The following RPS6KA3 variants were observed in gnomAD, a reference collection of about 807,000 sequenced individuals.
RPS6KA3 encodes ribosomal protein S6 kinase A3, also known as ribosomal protein S6 kinase alpha-3.
RPS6KA3 carries 4 observed loss-of-function variants against 67.2 expected under a neutral mutation model. That is an observed-to-expected ratio of 0.06 (90% CI 0.03 to 0.14). RPS6KA3 has a LOEUF of 0.14. Ranked by LOEUF, RPS6KA3 falls within the 10% of genes least tolerant of loss-of-function variation. RPS6KA3 has a pLI of 1.00. For missense variants in RPS6KA3, 204 were observed against 559.0 expected (o/e 0.36, Z 6.40); for synonymous variants, 182 against 183.7 (o/e 0.99, Z 0.07).
rs546964372 is a variant in RPS6KA3 at position 20,187,417 on chromosome X, C to T, written c.774+411G>A. On this transcript the variant is annotated intron_variant, in intron 9 of 21. Coordinates refer to ENST00000379565, the MANE Select transcript of RPS6KA3 (RefSeq NM_004586.3). ...TGGGGTTTTGCCATGTTGGCCATGC[C>T]GGTCTTGAACTCCTGACGTCAGGTG... 4.2e-4 allele frequency among the ~76,000 whole-genome samples: 45 copies of T among 107,251 alleles called. No individual in the cohort carries two copies. In the South Asian group the frequency reaches 0.016, roughly 38 times the overall value. The allele number at this position is 107,251 out of a possible 115,157, so 93.1% of individuals were successfully genotyped here.
intron 8 of RPS6KA3, 111 bp from the exon 9 acceptor site, chrX:20,188,081 G>A: frequency 1.3e-6 from 1 of 767,576 alleles, no homozygotes; most frequent in Non-Finnish European, 1.9e-6. Flanking sequence ...TTTTTTGTTT[G>A]TTTGTTTTTT....
chrX:20,155,340 C>A lies in RPS6KA3; in HGVS notation c.*58G>T, dbSNP rs767703625. The A allele has an allele frequency of 6.6e-5, 79 of 1,191,184 alleles. No individual in the cohort carries two copies. In the East Asian group the frequency reaches 2.3e-3, roughly 35 times the overall value. On this transcript the variant is annotated 3_prime_UTR_variant, in exon 22 of 22. Coordinates refer to ENST00000379565, the MANE Select transcript of RPS6KA3 (RefSeq NM_004586.3). ...TGTCTCTCAGATACGTGCTACCTGT[C>A]GCCAGAACTTGTGCTATCAGCTTAC...
At position 20,252,496 on chromosome X, in the gene RPS6KA3, C is replaced by G. The variant is rs759249861; in HGVS notation, c.69+14068G>C. 2.9e-3 allele frequency among the ~76,000 whole-genome samples: 314 copies of G among 109,993 alleles called. 4 individuals carry two copies. Among genetic ancestry groups the G allele is most frequent in the African/African-American group, 9.7e-3 (292 of 30,116 alleles). ...ACTTCCCTCTGGGCCGCACCAACAT[C>G]ACCCAGGCAAAAGTGGAGCAATGAC... On this transcript the variant is annotated intron_variant, in intron 1 of 21. Coordinates refer to ENST00000379565, the MANE Select transcript of RPS6KA3 (RefSeq NM_004586.3).
At chrX:20,255,347 G>T (rs903862240) in intron 1 of RPS6KA3, among the ~76,000 whole-genome samples, 1 of 99,643 alleles carries the variant, frequency 1.0e-5, no homozygotes, top group Non-Finnish European at 2.0e-5. Flanking sequence ...GGGAGTGACC[G>T]CTAACATGTA....
At chrX:20,248,510 C>T (rs1377585881) in intron 1 of RPS6KA3, among the ~76,000 whole-genome samples, 6 of 110,786 alleles carry the variant, frequency 5.4e-5, no homozygotes, top group African/African-American at 1.3e-4. Flanking sequence ...GACAGAGTCT[C>T]GCTCTGTCGC....
At chrX:20,230,783 C>T (rs1402648342) in intron 2 of RPS6KA3, among the ~76,000 whole-genome samples, 1 of 111,152 alleles carries the variant, frequency 9.0e-6, no homozygotes, top group Non-Finnish European at 1.9e-5. Flanking sequence ...GAAAAGTTAA[C>T]ACTCCTAAGA....
intron 17 of RPS6KA3, among the ~76,000 whole-genome samples, chrX:20,165,654 C>T (rs1039767710): frequency 6.2e-5 from 7 of 112,007 alleles, no homozygotes; most frequent in African/African-American, 2.3e-4. Context: ...GTACAAGATA[C>T]ATACACAACA....
At chrX:20,174,427 C>A (rs1207207251) in intron 14 of RPS6KA3, among the ~76,000 whole-genome samples, 3 of 105,476 alleles carry the variant, frequency 2.8e-5, no homozygotes, top group Non-Finnish European at 5.8e-5. Flanking sequence ...CGGCTCACTG[C>A]AAACTCTGCC....
At chrX:20,227,343 A>T in intron 2 of RPS6KA3, among the ~76,000 whole-genome samples, 1 of 111,971 alleles carries the variant, frequency 8.9e-6, no homozygotes, top group East Asian at 2.8e-4. Context: ...CTTAGTTAAT[A>T]ACCCTCTAGT....
At chrX:20,179,065 T>C (rs1248130061) in intron 10 of RPS6KA3, among the ~76,000 whole-genome samples, 2 of 111,083 alleles carry the variant, frequency 1.8e-5, no homozygotes, top group African/African-American at 6.6e-5. Flanking sequence ...CTTTAAGCAG[T>C]TTAATTCAGA....
At chrX:20,198,140 C>A (rs1206877842) in intron 4 of RPS6KA3, among the ~76,000 whole-genome samples, 2 of 111,922 alleles carry the variant, frequency 1.8e-5, no homozygotes, top group African/African-American at 3.2e-5. Flanking sequence ...TCTGGTTAAA[C>A]ATGGATATTT....
At chrX:20,231,178 G>A (rs1002357629) in intron 2 of RPS6KA3, among the ~76,000 whole-genome samples, 6 of 110,618 alleles carry the variant, frequency 5.4e-5, no homozygotes, top group East Asian at 2.8e-4. Context: ...GGGTGGTCTC[G>A]AACTCCTGGG....
chrX:20,253,309 T>G (rs2069937422), intron 1 of RPS6KA3, among the ~76,000 whole-genome samples: 1 of 110,829 alleles, frequency 9.0e-6, no homozygotes, highest in Middle Eastern at 4.6e-3. Context: ...GGTTTAGACT[T>G]ACTTGGCTAC....
intron 10 of RPS6KA3, among the ~76,000 whole-genome samples, chrX:20,181,684 A>C: frequency 8.9e-6 from 1 of 111,889 alleles, no homozygotes; most frequent in African/African-American, 3.2e-5. Context: ...GAATTGTGTG[A>C]ATGAATGGTA....
At chrX:20,172,033 C>T (rs918345087) in intron 15 of RPS6KA3, among the ~76,000 whole-genome samples, 1 of 111,898 alleles carries the variant, frequency 8.9e-6, no homozygotes, top group African/African-American at 3.2e-5. Context: ...AGAGTGATAA[C>T]AACTAATGTC....
intron 4 of RPS6KA3, among the ~76,000 whole-genome samples, chrX:20,201,849 C>A (rs891581275): frequency 1.8e-5 from 2 of 110,584 alleles, no homozygotes; most frequent in African/African-American, 6.6e-5. Flanking sequence ...TTTTGTATTA[C>A]TAATTTGTTT....
At chrX:20,212,540 T>C (rs1259063903) in intron 2 of RPS6KA3, among the ~76,000 whole-genome samples, 1 of 110,645 alleles carries the variant, frequency 9.0e-6, no homozygotes, top group Non-Finnish European at 1.9e-5. Context: ...GAGTCTAGCC[T>C]GGGCAATATA....
At chrX:20,229,251 C>T (rs778638658) in intron 2 of RPS6KA3, among the ~76,000 whole-genome samples, 33 of 111,423 alleles carry the variant, frequency 3.0e-4, no homozygotes, top group African/African-American at 1.1e-3. Flanking sequence ...TTGTCCTAGT[C>T]GAAAGTGGCT....
chrX:20,211,500 G>A (rs1268904486), intron 2 of RPS6KA3, among the ~76,000 whole-genome samples: 1 of 107,144 alleles, frequency 9.3e-6, no homozygotes, highest in Non-Finnish European at 1.9e-5. Context: ...GTTGATTAGA[G>A]CAGTGTTCTT....
Sources: gnomAD v4.1 joint callset for allele counts (sites outside exome capture counted in the v4.1 genomes callset) on GRCh38, gnomAD v4.1.1 for gene constraint, MANE v1.5 for transcripts, NCBI Gene and HGNC (gene_info 2026-07-23, HGNC 2026-07-21) for gene names.